Variants in ATP8A2 observed in about 807,000 individuals in gnomAD.
ATP8A2 encodes the protein ATPase phospholipid transporting 8A2.
ATP8A2 carries 100 observed loss-of-function variants against 165.6 expected under a neutral mutation model. The observed-to-expected ratio is 0.60, with a 90% CI of 0.51 to 0.71. ATP8A2 has a LOEUF of 0.71. Ranked by LOEUF, ATP8A2 falls within the 30% of genes least tolerant of loss-of-function variation. The pLI is 0.00. For synonymous variants in ATP8A2, 543 were observed against 548.8 expected, an observed-to-expected ratio of 0.99 and a Z score of 0.15; for missense variants, 1,227 against 1,479.5, an observed-to-expected ratio of 0.83 and a Z score of 2.80.
Position 25,564,017 on chromosome 13 carries a change from A to G in ATP8A2, c.1459A>G (p.Ile487Val). The change falls in exon 16 of 37, where the codon ATT (isoleucine) becomes GTT (valine). Residue 487 changes from isoleucine to valine, a missense_variant. This residue lies in a region of ATP8A2 where 592 missense variants were observed against 785.6 expected (regional missense o/e 0.75). Coordinates refer to ENST00000381655, the MANE Select transcript of ATP8A2 (RefSeq NM_016529.6). ...DFDDPRLLKN[I>V]EDRHPTAPCI... is the part of the protein sequence containing the mutation. Reference sequence around the variant, plus strand: ...TGATGACCCCAGGCTGTTGAAGAACATTGAGGATCGCCATGTAAGTGCTCT... The same window carrying G: ...TGATGACCCCAGGCTGTTGAAGAACGTTGAGGATCGCCATGTAAGTGCTCT... 2.5e-6 allele frequency: 4 copies of G among 1,612,914 alleles called. No homozygotes were observed. The highest frequency in any genetic ancestry group is 1.1e-5 in the South Asian group (1 of 91,054).
intron 1 of ATP8A2, among the ~76,000 whole-genome samples, chr13:25,388,064 A>G (rs75391695): frequency 9.3e-3 from 1 of 108 alleles, no homozygotes; most frequent in Admixed American, 0.12. Context: ...CTCCATCTCA[A>G]AAAAAAAAAA....
At chr13:25,592,309 A>T (rs2040106702) in intron 24 of ATP8A2, among the ~76,000 whole-genome samples, 1 of 151,476 alleles carries the variant, frequency 6.6e-6, no homozygotes, top group African/African-American at 2.5e-5. Context: ...AAAACTGGGC[A>T]TCTCCACCTT....
chr13:25,851,315 C>T (rs1017404825), intron 30 of ATP8A2, among the ~76,000 whole-genome samples: 1 of 152,220 alleles, frequency 6.6e-6, no homozygotes, highest in African/African-American at 2.4e-5. Context: ...GATGCCGTGG[C>T]TCACGCCTGT....
At chr13:25,509,196 C>G (rs1420400299) in intron 2 of ATP8A2, among the ~76,000 whole-genome samples, 1 of 152,126 alleles carries the variant, frequency 6.6e-6, no homozygotes, top group Non-Finnish European at 1.5e-5. Context: ...ATTGGAGAGA[C>G]AGTGTTTGAA....
At chr13:25,941,080 C>G (rs956588757) in intron 33 of ATP8A2, among the ~76,000 whole-genome samples, 3 of 152,152 alleles carry the variant, frequency 2.0e-5, no homozygotes, top group African/African-American at 7.2e-5. Flanking sequence ...CTCTCCAGAT[C>G]GAGAACTTTC....
chr13:25,734,544 A>G (rs1178781200), intron 25 of ATP8A2, among the ~76,000 whole-genome samples: 2 of 152,212 alleles, frequency 1.3e-5, no homozygotes, highest in African/African-American at 2.4e-5. Flanking sequence ...CAAGTGCTAG[A>G]GCTTCAAGGT....
rs1321387442 is a variant in ATP8A2, at chr13:25,372,252, T to C, written c.40T>C (p.Ser14Pro). 1.4e-6 allele frequency: 2 copies of C among 1,462,356 alleles called. No homozygotes were observed. The highest frequency in any genetic ancestry group is 3.2e-5 in the East Asian group (1 of 30,880). 90.6% of individuals were successfully genotyped at this position (1,462,356 alleles called of 1,614,324 possible). ...GAGLDKALKM[S>P]LPRRSRIRSS... ...AGGCCTGGACAAAGCTCTTAAGATGTCCCTGCCGCGGAGGTCGAGGATCCG... is the reference window on the plus strand; with the variant it reads ...AGGCCTGGACAAAGCTCTTAAGATGCCCCTGCCGCGGAGGTCGAGGATCCG... Residue 14 changes from serine (S) to proline (P), a missense_variant, in exon 1 of 37, where the codon TCC becomes CCC. Around this residue, in one of 5 missense-constraint regions of ATP8A2, gnomAD observed 356 missense variants for 394.9 expected, o/e 0.90. Transcript: ENST00000381655. This position sits in a 1 kb window ranked among gnomAD's most constrained non-coding sequence, Gnocchi z 4.8.
chr13:25,514,938 G>T (rs978895345), intron 2 of ATP8A2, among the ~76,000 whole-genome samples: 1 of 152,164 alleles, frequency 6.6e-6, no homozygotes, highest in South Asian at 2.1e-4. Flanking sequence ...CAGGGCTATG[G>T]GGTGCCCAGG....
At chr13:25,448,123 G>A (rs1471119523) in intron 1 of ATP8A2, among the ~76,000 whole-genome samples, 1 of 152,182 alleles carries the variant, frequency 6.6e-6, no homozygotes, top group Admixed American at 6.5e-5. Context: ...CCAGGCTTGA[G>A]GGTGGAACCC....
rs114467449 is a variant in ATP8A2, at chr13:25,953,776, G to T, written c.3184-7799G>T. On this transcript the variant is annotated intron_variant, in intron 33 of 36. Coordinates refer to ENST00000381655, the MANE Select transcript of ATP8A2 (RefSeq NM_016529.6). This position sits in a 1 kb window ranked among gnomAD's most constrained non-coding sequence, Gnocchi z 6.7. ...TTGAGGAACTCCCTCCCCTAGCCGA[G>T]GGAAGCCGTGAGGGACTGTGCTGTA... Among the ~76,000 whole-genome samples, 1 of 152,116 alleles carries T rather than the reference G, an allele frequency of 6.6e-6. No individual in the cohort carries two copies. The highest frequency in any genetic ancestry group is 1.5e-5 in the Non-Finnish European group (1 of 68,022).
chr13:25,608,256 G>A (rs368995004), intron 24 of ATP8A2, among the ~76,000 whole-genome samples: 1 of 152,316 alleles, frequency 6.6e-6, no homozygotes, highest in African/African-American at 2.4e-5. Context: ...ACCCCACAAT[G>A]GGGAGCAAAT....
At chr13:25,590,935 G>C (rs2040056028) in intron 24 of ATP8A2, among the ~76,000 whole-genome samples, 1 of 152,216 alleles carries the variant, frequency 6.6e-6, no homozygotes, top group Non-Finnish European at 1.5e-5. Context: ...GAGTGCTTCA[G>C]AATTCATCTC....
chr13:25,725,291 A>C (rs1338547940), intron 25 of ATP8A2, among the ~76,000 whole-genome samples: 2 of 152,214 alleles, frequency 1.3e-5, no homozygotes, highest in Non-Finnish European at 2.9e-5. Context: ...ATGGACCCAG[A>C]GGTTTCAGGC....
intron 25 of ATP8A2, among the ~76,000 whole-genome samples, chr13:25,732,651 C>T (rs1197726959): frequency 6.6e-6 from 1 of 152,142 alleles, no homozygotes; most frequent in East Asian, 1.9e-4. Flanking sequence ...TGTACTTCAG[C>T]TTGTCTGTGA....
chr13:25,543,167 C>T, intron 9 of ATP8A2, 124 bp from the exon 10 acceptor site: 1 of 583,132 alleles, frequency 1.7e-6, no homozygotes, highest in Non-Finnish European at 3.0e-6. Context: ...CTGTGTTTCT[C>T]AGTGAAGTAG....
intron 27 of ATP8A2, among the ~76,000 whole-genome samples, chr13:25,814,098 G>GACACACACACACACACACAC (rs59562535): frequency 1.3e-5 from 2 of 149,526 alleles, no homozygotes; most frequent in Middle Eastern, 6.8e-3. Context: ...CACACATACA[G>GACACACACACACACACACAC]ACACACACAC....
chr13:25,430,066 T>C lies in ATP8A2; in HGVS notation c.77-38911T>C, dbSNP rs551663775. ...TTTGGGTTTTGAGCCCTTAGATAAA[T>C]AGTAGATTTGCAGAAAGGTAAACAA... On this transcript the variant is annotated intron_variant, in intron 1 of 36. Transcript: ENST00000381655. 5.9e-5 allele frequency among the ~76,000 whole-genome samples: 9 copies of C among 152,184 alleles called. No individual in the cohort carries two copies. In the South Asian group the frequency reaches 1.9e-3, roughly 32 times the overall value.
At chr13:25,884,878 C>T (rs954994100) in intron 33 of ATP8A2, among the ~76,000 whole-genome samples, 10 of 152,176 alleles carry the variant, frequency 6.6e-5, no homozygotes, top group South Asian at 2.1e-4. Context: ...TCACCTCTGA[C>T]GAGTCCACTC....
At chr13:25,694,169 C>T (rs1256397582) in intron 24 of ATP8A2, among the ~76,000 whole-genome samples, 2 of 152,212 alleles carry the variant, frequency 1.3e-5, no homozygotes, top group African/African-American at 4.8e-5. Context: ...GCAGAAATAA[C>T]CCTAACTGGA....
Sources: gnomAD v4.1 joint callset for allele counts (sites outside exome capture counted in the v4.1 genomes callset) on GRCh38, gnomAD v4.1.1 for gene constraint, gnomAD v4.1.1 regional missense constraint, Gnocchi (gnomAD v3.1) non-coding constraint, MANE v1.5 for transcripts, NCBI Gene and HGNC (gene_info 2026-07-23, HGNC 2026-07-21) for gene names.